The following RFX5 variants were observed in gnomAD, a reference collection of about 807,000 sequenced individuals.
RFX5 encodes regulatory factor X5, also known as DNA-binding protein RFX5.
A neutral mutation model predicts 41.2 loss-of-function variants in RFX5; 30 were observed. The observed-to-expected ratio is 0.73, with a 90% CI of 0.54 to 0.99. RFX5 has a LOEUF of 0.99. Among genes scored for constraint, RFX5 ranks in the 50% least tolerant of loss-of-function variants. The probability of loss-of-function intolerance (pLI) is 0.00; values close to 1 mark genes in which losing one functional copy is unlikely to be tolerated. For synonymous variants in RFX5, 231 were observed against 291.8 expected (o/e 0.79, Z 2.12); for missense variants, 715 against 773.6 (o/e 0.92, Z 0.90).
rs764561345 is a variant in RFX5 at position 151,346,214 on chromosome 1, C to T, written c.107G>A (p.Gly36Asp). The change falls in exon 3 of 11, where the codon GGT (glycine) becomes GAT (aspartate). Residue 36 changes from glycine to aspartate, a missense_variant. Gly to Asp is a moderately conservative substitution (Grantham distance 94). Transcript: ENST00000452671. The stretch of plus-strand genomic sequence containing the variant: ...TGTGATGAGTACTTACGAAATGGTA[C>T]CTCGGAGCCTCTGAAGAAGGGTGGT... ...EPTTLLQRLR[G>D]TISKAVQNKV... is the part of the protein sequence containing the mutation. 1.2e-6 allele frequency: 2 copies of T among 1,614,136 alleles called. No homozygotes were observed. The highest frequency in any genetic ancestry group is 1.7e-6 in the Non-Finnish European group (2 of 1,179,982).
In RFX5 at chr1:151,342,622, T is replaced by A. The variant is rs1265793800; in HGVS notation, c.1415A>T (p.Lys472Met). Reference sequence around the variant, plus strand: ...ATTCCTTTCCCCACTTCCACCTGACTTTTTTCGAGGGCGCCCCCGTTTCCT... The same window carrying A: ...ATTCCTTTCCCCACTTCCACCTGACATTTTTCGAGGGCGCCCCCGTTTCCT... ...AKRKRGRPRKKSGGSGERNST... is the reference protein window; with the variant it reads ...AKRKRGRPRKMSGGSGERNST... Residue 472 changes from lysine (K) to methionine (M), a missense_variant, in exon 11 of 11, where the codon AAG (lysine) becomes ATG (methionine). Transcript: ENST00000452671. 5 of 1,614,090 alleles carry A rather than the reference T, an allele frequency of 3.1e-6. No homozygotes were observed. Among genetic ancestry groups the A allele is most frequent in the Non-Finnish European group, 3.4e-6 (4 of 1,180,056 alleles).
At position 151,342,383 on chromosome 1, in the gene RFX5, T is replaced by C. The variant is rs1252717060; in HGVS notation, c.1654A>G (p.Lys552Glu). 3 of 1,614,076 alleles carry C rather than the reference T, an allele frequency of 1.9e-6. No homozygotes were observed. Among genetic ancestry groups the C allele is most frequent in the Non-Finnish European group, 2.5e-6 (3 of 1,180,040 alleles). ...AAGGGAATTTTATCTTCTGCTTCTT[T>C]GGTATGCTGGGAACCGGGGCCCCTT... The part of the protein sequence containing the change: ...GGRGPGSQHT[K>E]EAEDKIPLVP... The change falls in exon 11 of 11, where the codon AAA (lysine) becomes GAA (glutamate). Residue 552 changes from lysine (K) to glutamate (E), a missense_variant. By Grantham distance (56) the Lys-to-Glu change is moderately conservative (BLOSUM62 1). Transcript: ENST00000452671.
chr1:151,345,590 C>T (rs1293276061), intron 4 of RFX5: 42 of 340,272 alleles, frequency 1.2e-4, no homozygotes, highest in Non-Finnish European at 2.1e-4. Context: ...CCAGCCTAGG[C>T]GACAGAGTGA....
In RFX5 at chr1:151,346,329, G is replaced by A; in HGVS notation, c.-9C>T. 1 of 1,612,840 alleles carries A rather than the reference G, an allele frequency of 6.2e-7. No homozygotes were observed. Among genetic ancestry groups the A allele is most frequent in the South Asian group, 1.1e-5 (1 of 91,066 alleles). Reference sequence around the variant, plus strand: ...GGCTCATCTTCTGCCATCCCGGCATGAGGGCTAGAATTGAGAGGGACAGGC... The same window carrying A: ...GGCTCATCTTCTGCCATCCCGGCATAAGGGCTAGAATTGAGAGGGACAGGC... On this transcript the variant is annotated 5_prime_UTR_variant, in exon 3 of 11. Coordinates refer to ENST00000452671, the MANE Select transcript of RFX5 (RefSeq NM_001025603.2).
chr1:151,343,768 C>T lies in RFX5; in HGVS notation c.670G>A (p.Val224Ile), dbSNP rs770811345. Reference sequence around the variant, plus strand: ...TGTAGCAGGAAGCGGGCGACCTCAACGATGGAACTGAAGGACCGTTTCAGG... The same window carrying T: ...TGTAGCAGGAAGCGGGCGACCTCAATGATGGAACTGAAGGACCGTTTCAGG... ...RILKRSFSSI[V>I]EVARFLLQQH... is the part of the protein sequence containing the mutation. The change falls in exon 9 of 11, where the codon GTT (valine) becomes ATT (isoleucine). Residue 224 changes from valine to isoleucine, a missense_variant. By Grantham distance (29) the Val-to-Ile change is conservative (BLOSUM62 3). Coordinates refer to ENST00000452671, the MANE Select transcript of RFX5 (RefSeq NM_001025603.2). The T allele has an allele frequency of 1.9e-6, 3 of 1,614,050 alleles. No individual in the cohort carries two copies. The highest frequency in any genetic ancestry group is 1.7e-4 in the Middle Eastern group (1 of 6,060).
At position 151,342,097 on chromosome 1, in the gene RFX5, A is replaced by T. The variant is rs1462158794; in HGVS notation, c.*89T>A. ...GGAGAATGGACTTCCTTAGGAAAAG[A>T]ATAGCCAAATGAGAAGCAAGTGCAA... On this transcript the variant is annotated 3_prime_UTR_variant, in exon 11 of 11. Coordinates refer to ENST00000452671, the MANE Select transcript of RFX5 (RefSeq NM_001025603.2). The T allele has an allele frequency of 1.1e-5, 18 of 1,581,818 alleles. No homozygotes were observed. The highest frequency in any genetic ancestry group is 1.6e-5 in the Non-Finnish European group (18 of 1,151,408).
In RFX5 at chr1:151,342,768, T is replaced by C; in HGVS notation, c.1269A>G (p.Gln423=). ...ENREVGIGGD[Q]GPHDKGVKRT... ...TCTTGACACCCTTGTCATGTGGTCC[T>C]TGGTCACCACCTATGCCTACCTCTC... Residue 423 remains glutamine (Q), a synonymous_variant, in exon 11 of 11, where the codon CAA becomes CAG. Coordinates refer to ENST00000452671, the MANE Select transcript of RFX5 (RefSeq NM_001025603.2). 1 of 1,614,140 alleles carries C rather than the reference T, an allele frequency of 6.2e-7. No homozygotes were observed. The highest frequency in any genetic ancestry group is 8.5e-7 in the Non-Finnish European group (1 of 1,179,958).
chr1:151,344,314 T>C, intron 7 of RFX5, 36 bp from the exon 8 acceptor site: 1 of 1,613,862 alleles, frequency 6.2e-7, no homozygotes, highest in Non-Finnish European at 8.5e-7. Context: ...CACATGGCGA[T>C]CTCCAAGCCC....
Position 151,342,392 on chromosome 1 carries a change from G to A in RFX5, c.1645C>T (p.Gln549Ter), listed in dbSNP as rs1403425960. The change falls in exon 11 of 11, where the codon CAG (glutamine) becomes TAG (stop). Residue 549 changes from glutamine to a stop codon, truncating the protein, a stop_gained. Coordinates refer to ENST00000452671, the MANE Select transcript of RFX5 (RefSeq NM_001025603.2). LOFTEE classifies it high-confidence loss of function. ...TTATCTTCTGCTTCTTTGGTATGCT[G>A]GGAACCGGGGCCCCTTCCTCCTTTG... ...VSKGGRGPGS[Q>*]HTKEAEDKIP... 2 of 1,614,016 alleles carry A rather than the reference G, an allele frequency of 1.2e-6. No homozygotes were observed. The highest frequency in any genetic ancestry group is 1.3e-5 in the African/African-American group (1 of 74,906).
rs1183023968 is a variant in RFX5, at chr1:151,344,599, G to GT, written c.354-64_354-63insA. 18 of 1,612,232 alleles carry GT rather than the reference G, an allele frequency of 1.1e-5. No homozygotes were observed. In the East Asian group the frequency reaches 3.8e-4, roughly 34 times the overall value. ...GAAGGAGGCCATGGGTAGGCTCGAAGAGTCCCTAGGGATCAAGTGTGAGGA... is the reference window on the plus strand; with the variant it reads ...GAAGGAGGCCATGGGTAGGCTCGAAGTAGTCCCTAGGGATCAAGTGTGAGGA... On this transcript the variant is annotated intron_variant, in intron 6 of 10. Coordinates refer to ENST00000452671, the MANE Select transcript of RFX5 (RefSeq NM_001025603.2).
chr1:151,342,704 C>A lies in RFX5; in HGVS notation c.1333G>T (p.Ala445Ser), dbSNP rs752775566. Reference protein sequence around the residue: ...EVPVSEASGQAPPAKAAKQDI... With the variant: ...EVPVSEASGQSPPAKAAKQDI... ...TGCTTTGCTGCTTTAGCTGGTGGAG[C>A]CTGCCCACTGGCCTCACTCACAGGT... Residue 445 changes from alanine to serine, a missense_variant, in exon 11 of 11, where the codon GCT becomes TCT. Ala to Ser is a moderately conservative substitution (Grantham distance 99). Coordinates refer to ENST00000452671, the MANE Select transcript of RFX5 (RefSeq NM_001025603.2). 1 of 1,614,228 alleles carries A rather than the reference C, an allele frequency of 6.2e-7. No homozygotes were observed. Among genetic ancestry groups the A allele is most frequent in the African/African-American group, 1.3e-5 (1 of 75,054 alleles).
At chr1:151,345,797 G>A (rs533614986) in intron 4 of RFX5, 131 bp downstream of exon 4, 17 of 1,352,864 alleles carry the variant, frequency 1.3e-5, no homozygotes, top group Non-Finnish European at 1.7e-5. Context: ...AGTTTGCAAA[G>A]CCAACTATCT....
chr1:151,344,506 G>T lies in RFX5; in HGVS notation c.384C>A (p.Arg128=). ...TGCCAAAGTTGGCTGTGCTGAGTGG[G>T]CGGCAACAGGCAAGACTCTCACAGT... The part of the protein sequence containing the change: ...RKYCESLACC[R]PLSTANFGKI... The change falls in exon 7 of 11, where the codon CGC becomes CGA. Residue 128 remains arginine (R), a synonymous_variant. Coordinates refer to ENST00000452671, the MANE Select transcript of RFX5 (RefSeq NM_001025603.2). 1 of 1,614,244 alleles carries T rather than the reference G, an allele frequency of 6.2e-7. No individual in the cohort carries two copies. The highest frequency in any genetic ancestry group is 8.5e-7 in the Non-Finnish European group (1 of 1,180,048).
rs542264807 is a variant in RFX5, at chr1:151,342,219, C to G, written c.1818G>C (p.Gln606His). Residue 606 changes from glutamine to histidine, a missense_variant, in exon 11 of 11, where the codon CAG becomes CAC. Gln to His is a conservative substitution (Grantham distance 24). Transcript: ENST00000452671. ...KEHVLQSSLS[Q>H]EHKDPKATPP ...GTGTTGCTTTTGGGTCTTTATGCTC[C>G]TGGGATAAGGAACTTTGAAGCACAT... is the stretch of plus-strand genomic sequence containing the variant. 7 of 1,614,200 alleles carry G rather than the reference C, an allele frequency of 4.3e-6. No homozygotes were observed. In the South Asian group the frequency reaches 7.7e-5, roughly 18 times the overall value.
intron 10 of RFX5, 71 bp from the exon 11 acceptor site, chr1:151,343,249 C>T (rs1650665966): frequency 6.2e-6 from 10 of 1,609,412 alleles, no homozygotes; most frequent in Non-Finnish European, 7.6e-6. Context: ...ACGCCAGAGG[C>T]ACAGGAGGTG....
In RFX5 at chr1:151,342,640, C is replaced by T. The variant is rs779996014; in HGVS notation, c.1397G>A (p.Arg466Gln). 9.9e-6 allele frequency: 16 copies of T among 1,614,092 alleles called. No individual in the cohort carries two copies. The highest frequency in any genetic ancestry group is 2.2e-5 in the South Asian group (2 of 91,096). ...ACCTGACTTTTTTCGAGGGCGCCCC[C>T]GTTTCCTTTTGGCATCACTTGCTGT... ...EDTASDAKRKRGRPRKKSGGS... is the reference protein window; with the variant it reads ...EDTASDAKRKQGRPRKKSGGS... Residue 466 changes from arginine (R) to glutamine (Q), a missense_variant, in exon 11 of 11, where the codon CGG (arginine) becomes CAG (glutamine). Coordinates refer to ENST00000452671, the MANE Select transcript of RFX5 (RefSeq NM_001025603.2).
At chr1:151,344,707 A>ACC in intron 6 of RFX5, 21 bp downstream of exon 6, 3 of 850,494 alleles carry the variant, frequency 3.5e-6, no homozygotes, top group Non-Finnish European at 5.3e-6. Flanking sequence ...CACTCATCCC[A>ACC]CCACCCACCC....
At position 151,342,906 on chromosome 1, in the gene RFX5, AGCTGCTGGGGGT is replaced by A; in HGVS notation, c.1119_1130del (p.Pro374_Ala377del). 1 of 1,614,222 alleles carries A rather than the reference AGCTGCTGGGGGT, an allele frequency of 6.2e-7. No homozygotes were observed. The highest frequency in any genetic ancestry group is 1.3e-5 in the African/African-American group (1 of 75,064). Reference sequence around the variant, plus strand: ...GTAAGATCATGTTAATGATGGGCACAGCTGCTGGGGGTGCCCCGGCCCTACTAGACAGAGGCA... The same window carrying A: ...GTAAGATCATGTTAATGATGGGCACAGCCCCGGCCCTACTAGACAGAGGCA... On this transcript the variant is annotated inframe_deletion, in exon 11 of 11. Coordinates refer to ENST00000452671, the MANE Select transcript of RFX5 (RefSeq NM_001025603.2).
intron 7 of RFX5, 46 bp from the exon 8 acceptor site, chr1:151,344,324 C>G: frequency 6.2e-7 from 1 of 1,613,920 alleles, no homozygotes; most frequent in Non-Finnish European, 8.5e-7. Flanking sequence ...TCTCCAAGCC[C>G]CTCGAGCAAG....
Sources: gnomAD v4.1 joint callset for allele counts on GRCh38, gnomAD v4.1.1 for gene constraint, MANE v1.5 for transcripts, NCBI Gene and HGNC (gene_info 2026-07-23, HGNC 2026-07-21) for gene names.